The following CEP112 variants were observed in gnomAD, a reference collection of about 807,000 sequenced individuals.
CEP112 encodes centrosomal protein of 112 kDa.
A neutral mutation model predicts 153.0 loss-of-function variants in CEP112; 127 were observed. The ratio of observed to expected loss-of-function variants is 0.83; its 90% CI spans 0.72 to 0.96. The LOEUF is 0.96. Among genes scored for constraint, CEP112 ranks in the 40% least tolerant of loss-of-function variants. CEP112 has a pLI of 0.00. For missense variants in CEP112, 1,089 were observed against 1,101.2 expected (o/e 0.99, Z 0.16); for synonymous variants, 358 against 374.4 (o/e 0.96, Z 0.51).
At chr17:65,689,330 T>C in intron 23 of CEP112, 112 bp from the exon 24 acceptor site, 1 of 673,892 alleles carries the variant, frequency 1.5e-6, no homozygotes, top group Non-Finnish European at 2.5e-6. Flanking sequence ...ATTACTCTTG[T>C]TCCAAAGCAT....
At chr17:66,024,388 T>C (rs994609360) in intron 16 of CEP112, among the ~76,000 whole-genome samples, 8 of 152,082 alleles carry the variant, frequency 5.3e-5, no homozygotes, top group African/African-American at 1.9e-4. Flanking sequence ...TATCTGTTAT[T>C]GATAATATGA....
chr17:65,821,584 C>T (rs1259284658), intron 21 of CEP112, among the ~76,000 whole-genome samples: 1 of 104,546 alleles, frequency 9.6e-6, no homozygotes, highest in African/African-American at 3.9e-5. Context: ...CGGAGTCTTG[C>T]TCTGTCGCCC....
At chr17:65,961,744 C>T in intron 17 of CEP112, 146 bp from the exon 18 acceptor site, 1 of 703,598 alleles carries the variant, frequency 1.4e-6, no homozygotes, top group Middle Eastern at 4.2e-4. Flanking sequence ...AGAAATTTGA[C>T]AATAAACTAA....
chr17:66,050,820 TG>T (rs1193270763), intron 12 of CEP112, among the ~76,000 whole-genome samples: 2 of 152,174 alleles, frequency 1.3e-5, no homozygotes, highest in Non-Finnish European at 2.9e-5. Flanking sequence ...TTCTTGAGCC[TG>T]CTAGATCAAT....
intron 18 of CEP112, among the ~76,000 whole-genome samples, chr17:65,950,594 G>T (rs1175677842): frequency 6.6e-6 from 1 of 151,958 alleles, no homozygotes; most frequent in Non-Finnish European, 1.5e-5. Flanking sequence ...TTTAAATCAT[G>T]TATTAGTTCT....
At chr17:65,833,820 T>C (rs2057189042) in intron 21 of CEP112, among the ~76,000 whole-genome samples, 1 of 152,164 alleles carries the variant, frequency 6.6e-6, no homozygotes, top group African/African-American at 2.4e-5. Flanking sequence ...AAACTGCCAA[T>C]GATATTTTTC....
chr17:66,105,955 C>T (rs1157416277), intron 6 of CEP112, among the ~76,000 whole-genome samples: 2 of 151,962 alleles, frequency 1.3e-5, no homozygotes, highest in African/African-American at 2.4e-5. Flanking sequence ...GTTTTATTAC[C>T]TCTGACCACG....
intron 18 of CEP112, among the ~76,000 whole-genome samples, chr17:65,944,902 T>C (rs73349085): frequency 0.065 from 9,852 of 152,238 alleles, 471 homozygotes; most frequent in African/African-American, 0.12. Context: ...CATATTAAAA[T>C]AATAAATTCC....
At chr17:66,024,612 G>A (rs928981974) in intron 16 of CEP112, among the ~76,000 whole-genome samples, 9 of 151,590 alleles carry the variant, frequency 5.9e-5, no homozygotes, top group African/African-American at 9.7e-5. Flanking sequence ...GAGGTAAAAG[G>A]AAAACTACAA....
chr17:65,687,561 A>C (rs1444948991), intron 24 of CEP112, among the ~76,000 whole-genome samples: 1 of 152,214 alleles, frequency 6.6e-6, no homozygotes, highest in Admixed American at 6.5e-5. Context: ...ATATGTATAT[A>C]TGTATATTTA....
chr17:65,707,007 C>T lies in CEP112; in HGVS notation c.2608-17789G>A, dbSNP rs186233098. ...TCCACATGTTCCCTCCCAAAGACTCCTGTTTATTTGCCACTAACCCCTGTG... is the reference window on the plus strand; with the variant it reads ...TCCACATGTTCCCTCCCAAAGACTCTTGTTTATTTGCCACTAACCCCTGTG... On this transcript the variant is annotated intron_variant, in intron 23 of 26. Coordinates refer to ENST00000535342, the MANE Select transcript of CEP112 (RefSeq NM_001199165.4). Among the ~76,000 whole-genome samples the T allele has an allele frequency of 3.9e-5, 6 of 152,296 alleles. No individual in the cohort carries two copies. In the East Asian group the frequency reaches 1.2e-3, roughly 29 times the overall value.
chr17:65,673,714 T>C (rs2047092128), intron 24 of CEP112, among the ~76,000 whole-genome samples: 1 of 152,146 alleles, frequency 6.6e-6, no homozygotes, highest in African/African-American at 2.4e-5. Flanking sequence ...GAGAGTACCT[T>C]CCTAAGCAAG....
At chr17:65,732,985 A>G (rs1174145292) in intron 23 of CEP112, among the ~76,000 whole-genome samples, 2 of 152,182 alleles carry the variant, frequency 1.3e-5, no homozygotes, top group African/African-American at 4.8e-5. Context: ...TGCATTCACA[A>G]TGTGGCTATT....
chr17:65,946,493 G>T (rs2061652877), intron 18 of CEP112, among the ~76,000 whole-genome samples: 1 of 152,148 alleles, frequency 6.6e-6, no homozygotes, highest in African/African-American at 2.4e-5. Flanking sequence ...TCATATAGGT[G>T]TGGGTGTTTT....
At chr17:65,768,790 A>G (rs2145483681) in intron 21 of CEP112, among the ~76,000 whole-genome samples, 1 of 152,218 alleles carries the variant, frequency 6.6e-6, no homozygotes, top group South Asian at 2.1e-4. Context: ...TCTTCAACAT[A>G]ATAAAGCCTA....
chr17:65,902,402 G>T, intron 19 of CEP112, 68 bp from the exon 20 acceptor site: 5 of 1,282,526 alleles, frequency 3.9e-6, no homozygotes, highest in South Asian at 3.6e-5. Context: ...CTCATGTACA[G>T]CTTAATTTTT....
At chr17:65,671,656 ATGTG>A (rs1173847978) in intron 24 of CEP112, among the ~76,000 whole-genome samples, 1 of 152,088 alleles carries the variant, frequency 6.6e-6, no homozygotes, top group Non-Finnish European at 1.5e-5. Flanking sequence ...CATATATAGT[ATGTG>A]TGTGTATGTA....
chr17:65,970,580 C>T (rs962292277), intron 17 of CEP112, among the ~76,000 whole-genome samples: 2 of 151,924 alleles, frequency 1.3e-5, no homozygotes, highest in African/African-American at 2.4e-5. Flanking sequence ...ATGCAAATTG[C>T]GTGCATTTTA....
At chr17:66,108,720 T>A (rs886775111) in intron 6 of CEP112, among the ~76,000 whole-genome samples, 7 of 151,992 alleles carry the variant, frequency 4.6e-5, no homozygotes, top group Non-Finnish European at 1.0e-4. Flanking sequence ...CCTCAAAAAA[T>A]TAAAAATAGA....
Sources: allele counts gnomAD v4.1 joint callset (sites outside exome capture counted in the v4.1 genomes callset), GRCh38; gene constraint gnomAD v4.1.1; transcripts MANE v1.5; gene names NCBI Gene and HGNC (gene_info 2026-07-23, HGNC 2026-07-21).